The following RARS1 variants were observed in gnomAD, a reference collection of about 807,000 sequenced individuals.
RARS1 encodes arginine--tRNA ligase, cytoplasmic.
Under a neutral mutation model 78.7 loss-of-function variants are expected in RARS1, and 75 were observed. That is an observed-to-expected ratio of 0.95 (90% confidence interval 0.79 to 1.15). RARS1 has a LOEUF of 1.15. Ranked by LOEUF, RARS1 falls within the 50% of genes most tolerant of loss-of-function variation. The probability of loss-of-function intolerance (pLI) is 0.00; values close to 1 mark genes in which losing one functional copy is unlikely to be tolerated. For synonymous variants in RARS1, 273 were observed against 268.2 expected, an observed-to-expected ratio of 1.02 and a Z score of -0.18; for missense variants, 787 against 787.5, an observed-to-expected ratio of 1.00 and a Z score of 0.01.
chr5:168,498,196 G>T (rs537825856), intron 7 of RARS1: 1 of 151,702 alleles, frequency 6.6e-6, no homozygotes, highest in African/African-American at 2.4e-5. Context: ...ATGCCACTGC[G>T]CTCCAGCCTG....
intron 1 of RARS1, 93 bp downstream of exon 1, chr5:168,486,636 G>A (rs1198985307): frequency 1.5e-6 from 2 of 1,366,644 alleles, no homozygotes. Flanking sequence ...ACAGCTAGGC[G>A]AGGACCATCC....
At chr5:168,501,397 T>C (rs965166559) in intron 8 of RARS1, among the ~76,000 whole-genome samples, 5 of 152,020 alleles carry the variant, frequency 3.3e-5, no homozygotes, top group Admixed American at 6.6e-5. Flanking sequence ...AGCTTTTTTT[T>C]CTTCTCATTT....
At chr5:168,506,659 G>A in intron 10 of RARS1, 63 bp from the exon 11 acceptor site, 2 of 1,244,510 alleles carry the variant, frequency 1.6e-6, no homozygotes, top group East Asian at 2.3e-5. Context: ...AAGCAAAAGA[G>A]CCTTAAGTCT....
At chr5:168,518,524 G>A (rs1758722854) in intron 14 of RARS1, among the ~76,000 whole-genome samples, 1 of 152,146 alleles carries the variant, frequency 6.6e-6, no homozygotes, top group African/African-American at 2.4e-5. Context: ...ATGACTGAGA[G>A]TAGGATTTTT....
rs374296628 is a variant in RARS1, at chr5:168,488,398, G to T, written c.46-204G>T. 7.6e-6 allele frequency: 4 copies of T among 528,488 alleles called. No individual in the cohort carries two copies. The East Asian group carries it at 1.4e-4, about 19-fold the overall frequency. The allele number at this position is 528,488 out of a possible 1,614,324, so 32.7% of individuals were successfully genotyped here. ...CTGCCTAGGCCTCCCAAAGTGCTGG[G>T]ATTACAGGCGTGAGCCACCATGCCT... is the stretch of plus-strand genomic sequence containing the variant. On this transcript the variant is annotated intron_variant, in intron 1 of 14. Transcript: ENST00000231572.
intron 10 of RARS1, 71 bp downstream of exon 10, chr5:168,506,270 C>T: frequency 8.2e-7 from 1 of 1,226,512 alleles, no homozygotes; most frequent in Non-Finnish European, 1.1e-6. Flanking sequence ...AGGTTGGTGA[C>T]ATCTGACACT....
chr5:168,486,485 A>T lies in RARS1; in HGVS notation c.-14A>T, dbSNP rs1049328034. 5.8e-6 allele frequency: 9 copies of T among 1,556,354 alleles called. No homozygotes were observed. Among genetic ancestry groups the T allele is most frequent in the Middle Eastern group, 1.7e-4 (1 of 6,014 alleles). ...CGCTTCCGTCCACTTGGCGAGTGAG[A>T]CGCTGATGGGAGGATGGACGTACTG... On this transcript the variant is annotated 5_prime_UTR_variant, in exon 1 of 15. Transcript: ENST00000231572.
chr5:168,506,751 T>C lies in RARS1; in HGVS notation c.1266T>C (p.Ala422=), dbSNP rs111802241. The C allele has an allele frequency of 3.2e-5, 52 of 1,613,872 alleles. No homozygotes were observed. In the African/African-American group the frequency reaches 6.4e-4, roughly 20 times the overall value. ...TGCACTTCCAGACAATATTTGCTGC[T>C]GCTCAAATGATTGGTTGGTATGACC... is the stretch of plus-strand genomic sequence containing the variant. ...QSVHFQTIFA[A]AQMIGWYDPK... is the part of the protein sequence containing the mutation. Residue 422 remains alanine (A), a synonymous_variant, in exon 11 of 15, where the codon GCT becomes GCC. Transcript: ENST00000231572.
chr5:168,506,781 A>C lies in RARS1; in HGVS notation c.1296A>C (p.Lys432Asn). The part of the protein sequence containing the change: ...AAQMIGWYDP[K>N]VTRVFHAGFG... The stretch of plus-strand genomic sequence containing the variant: ...AAATGATTGGTTGGTATGACCCTAA[A>C]GTAACTCGAGTCTTCCATGCTGGAT... Residue 432 changes from lysine (K) to asparagine (N), a missense_variant, in exon 11 of 15, where the codon AAA becomes AAC. Lys to Asn is a moderately conservative substitution (Grantham distance 94). Transcript: ENST00000231572. The C allele has an allele frequency of 6.2e-7, 1 of 1,614,026 alleles. No homozygotes were observed. The highest frequency in any genetic ancestry group is 1.1e-5 in the South Asian group (1 of 91,070).
chr5:168,502,223 TACTG>T, intron 9 of RARS1, 118 bp downstream of exon 9: 1 of 1,398,096 alleles, frequency 7.2e-7, no homozygotes, highest in Admixed American at 3.0e-5. Flanking sequence ...CAGTTATGGG[TACTG>T]ACCAACCTTA....
Position 168,494,149 on chromosome 5 carries a change from T to TG in RARS1, c.478+148dup, listed in dbSNP as rs1758136621. On this transcript the variant is annotated intron_variant, in intron 4 of 14. Coordinates refer to ENST00000231572, the MANE Select transcript of RARS1 (RefSeq NM_002887.4). ...CACTGTGGATTGTGATATAGGAAAT[T>TG]GAAGTTTTAATCTAGACTCAGCTAC... 1.6e-5 allele frequency: 20 copies of TG among 1,279,362 alleles called. 2 individuals carry two copies. In the South Asian group the frequency reaches 2.3e-4, roughly 15 times the overall value. 79.3% of individuals were successfully genotyped at this position (1,279,362 alleles called of 1,614,324 possible).
intron 14 of RARS1, among the ~76,000 whole-genome samples, chr5:168,518,508 T>G (rs1259089602): frequency 6.6e-6 from 1 of 152,112 alleles, no homozygotes; most frequent in Non-Finnish European, 1.5e-5. Flanking sequence ...AGAAAACAAT[T>G]GGAAGATGAC....
chr5:168,517,315 G>T (rs934164224), intron 13 of RARS1, among the ~76,000 whole-genome samples: 17 of 152,070 alleles, frequency 1.1e-4, no homozygotes, highest in African/African-American at 4.1e-4. Flanking sequence ...GCTAAATTTT[G>T]TATTTTTAGT....
chr5:168,497,298 G>C lies in RARS1; in HGVS notation c.772G>C (p.Asp258His). Residue 258 changes from aspartate (D) to histidine (H), a missense_variant, in exon 7 of 15, where the codon GAT (aspartate) becomes CAT (histidine). Transcript: ENST00000231572. The stretch of plus-strand genomic sequence containing the variant: ...CGCTCACCTGCAAGACAAATTTCCA[G>C]ATTATCTAACAGTTTCACCTCCTAT... ...LIAHLQDKFP[D>H]YLTVSPPIGD... 6.3e-7 allele frequency: 1 copy of C among 1,592,716 alleles called. No homozygotes were observed. The highest frequency in any genetic ancestry group is 8.6e-7 in the Non-Finnish European group (1 of 1,168,500).
At chr5:168,507,651 T>C (rs949156314) in intron 11 of RARS1, among the ~76,000 whole-genome samples, 2 of 152,226 alleles carry the variant, frequency 1.3e-5, no homozygotes, top group Non-Finnish European at 2.9e-5. Flanking sequence ...GGTATTATCT[T>C]AGATACAGAT....
intron 12 of RARS1, among the ~76,000 whole-genome samples, chr5:168,514,055 C>T (rs896000932): frequency 3.3e-5 from 5 of 152,174 alleles, no homozygotes; most frequent in African/African-American, 1.2e-4. Flanking sequence ...TTCCAGCTAC[C>T]ATAGTTTCCT....
rs1337588250 is a variant in RARS1 at position 168,486,498 on chromosome 5, G to A, written c.-1G>A. 6.4e-7 allele frequency: 1 copy of A among 1,558,536 alleles called. No individual in the cohort carries two copies. The highest frequency in any genetic ancestry group is 2.0e-5 in the Admixed American group (1 of 51,142). On this transcript the variant is annotated 5_prime_UTR_variant, in exon 1 of 15. Coordinates refer to ENST00000231572, the MANE Select transcript of RARS1 (RefSeq NM_002887.4). The stretch of plus-strand genomic sequence containing the variant: ...TTGGCGAGTGAGACGCTGATGGGAG[G>A]ATGGACGTACTGGTGTCTGAGTGCT...
chr5:168,518,043 G>A lies in RARS1; in HGVS notation c.1854G>A (p.Val618=), dbSNP rs776896298. 1.2e-5 allele frequency: 17 copies of A among 1,452,394 alleles called. No individual in the cohort carries two copies. The East Asian group carries it at 3.7e-4, about 32-fold the overall frequency. 90.0% of individuals were successfully genotyped at this position (1,452,394 alleles called of 1,614,324 possible). Reference sequence around the variant, plus strand: ...AGTTCTATGATAGCTGCTACTGTGTGGAGAAAGATAGACAGACTGGTGAGT... The same window carrying A: ...AGTTCTATGATAGCTGCTACTGTGTAGAGAAAGATAGACAGACTGGTGAGT... ...FTEFYDSCYC[V]EKDRQTGKIL... Residue 618 remains valine (V), a synonymous_variant, in exon 14 of 15, where the codon GTG becomes GTA. Transcript: ENST00000231572.
In RARS1 at chr5:168,516,798, G is replaced by T; in HGVS notation, c.1473G>T (p.Leu491Phe). Residue 491 changes from leucine to phenylalanine, a missense_variant, in exon 13 of 15, where the codon TTG becomes TTT. Coordinates refer to ENST00000231572, the MANE Select transcript of RARS1 (RefSeq NM_002887.4). ...ERDKVLTAEE[L>F]NAAQTSVAYG... ...CAAAGGTCTTAACTGCAGAGGAATT[G>T]AATGCTGCTCAGACATCCGTTGCGT... 1 of 1,614,150 alleles carries T rather than the reference G, an allele frequency of 6.2e-7. No individual in the cohort carries two copies. The highest frequency in any genetic ancestry group is 8.5e-7 in the Non-Finnish European group (1 of 1,180,020).
Sources: gnomAD v4.1 joint callset for allele counts (sites outside exome capture counted in the v4.1 genomes callset) on GRCh38, gnomAD v4.1.1 for gene constraint, MANE v1.5 for transcripts, NCBI Gene and HGNC (gene_info 2026-07-23, HGNC 2026-07-21) for gene names.